Variants in PVT1 observed in about 807,000 individuals in gnomAD.
PVT1 encodes the protein Pvt1 oncogene.
At chr8:127,885,484 G>A (rs1472178883) in intron 2 of PVT1, among the ~76,000 whole-genome samples, 3 of 152,140 alleles carry the variant, frequency 2.0e-5, no homozygotes, top group Admixed American at 1.3e-4. Flanking sequence ...TCCTGGTTTA[G>A]CAATGATGCC....
chr8:127,982,909 C>T (rs1816901151), intron 3 of PVT1, among the ~76,000 whole-genome samples: 1 of 152,156 alleles, frequency 6.6e-6, no homozygotes, highest in South Asian at 2.1e-4. Context: ...AGATGTGTGT[C>T]CATGAGTACA....
rs986631494 is a variant in PVT1, at chr8:127,931,214, G to A, written n.782+40216G>A. On this transcript the variant is annotated intron_variant and non_coding_transcript_variant, in intron 3 of 10. Coordinates refer to ENST00000651587, the Ensembl canonical transcript of PVT1. ...AGCCACTGCACCTGGCCAAGAACTT[G>A]GTGTTTCTTATTTCCAAGCTTATCT... 4.7e-4 allele frequency among the ~76,000 whole-genome samples: 71 copies of A among 152,248 alleles called. 1 individual carries two copies. The highest frequency in any genetic ancestry group is 1.6e-3 in the African/African-American group (65 of 41,532).
intron 2 of PVT1, among the ~76,000 whole-genome samples, chr8:127,871,335 A>G (rs1815349523): frequency 6.6e-6 from 1 of 152,226 alleles, no homozygotes; most frequent in African/African-American, 2.4e-5. Context: ...CTCAGAATAA[A>G]TGTGTTTTTT....
chr8:128,071,570 A>G (rs908954026), intron 5 of PVT1, among the ~76,000 whole-genome samples: 4 of 151,742 alleles, frequency 2.6e-5, no homozygotes, highest in Admixed American at 6.6e-5. Context: ...CTGTGGTCCC[A>G]GCTAGTTAGG....
chr8:127,909,697 A>T lies in PVT1; in HGVS notation n.782+18699A>T, dbSNP rs530202313. On this transcript the variant is annotated intron_variant and non_coding_transcript_variant, in intron 3 of 10. Transcript: ENST00000651587. ...AGTGCTGTCTGGAGCAGGCATGGGGATGTGGTGGTACAGGGTAGGGTGTAG... is the reference window on the plus strand; with the variant it reads ...AGTGCTGTCTGGAGCAGGCATGGGGTTGTGGTGGTACAGGGTAGGGTGTAG... Among the ~76,000 whole-genome samples, 3 of 152,010 alleles carry T rather than the reference A, an allele frequency of 2.0e-5. No individual in the cohort carries two copies. The South Asian group carries it at 6.2e-4, about 32-fold the overall frequency.
intron 2 of PVT1, among the ~76,000 whole-genome samples, chr8:127,865,372 G>A (rs1026530458): frequency 1.3e-5 from 2 of 152,140 alleles, no homozygotes; most frequent in Non-Finnish European, 2.9e-5. Context: ...CTGGAACATG[G>A]GGATGTCATA....
intron 4 of PVT1, among the ~76,000 whole-genome samples, chr8:128,051,507 T>A (rs779460916): frequency 3.9e-5 from 6 of 152,210 alleles, no homozygotes; most frequent in Non-Finnish European, 7.3e-5. Context: ...GTTCTATGTA[T>A]TTTTTTCTTT....
At chr8:128,044,007 AT>A (rs1407949491) in intron 4 of PVT1, among the ~76,000 whole-genome samples, 7 of 21,898 alleles carry the variant, frequency 3.2e-4, no homozygotes, top group African/African-American at 2.4e-3. Context: ...TTTTATTATT[AT>A]TTATTTATTT....
At chr8:127,913,793 C>A (rs1815940412) in intron 3 of PVT1, among the ~76,000 whole-genome samples, 2 of 152,182 alleles carry the variant, frequency 1.3e-5, no homozygotes, top group African/African-American at 4.8e-5. Context: ...TTAATCTCTT[C>A]TAACCTTCCT....
intron 4 of PVT1, among the ~76,000 whole-genome samples, chr8:128,011,317 G>A (rs935476414): frequency 1.8e-4 from 27 of 152,158 alleles, no homozygotes; most frequent in African/African-American, 6.3e-4. Context: ...CGTATATGAT[G>A]AAACCTACCC....
chr8:127,861,518 A>G (rs995069878), intron 2 of PVT1, among the ~76,000 whole-genome samples: 1 of 151,882 alleles, frequency 6.6e-6, no homozygotes, highest in African/African-American at 2.4e-5. Flanking sequence ...GTCACCCTTA[A>G]CATCTTGTTG....
chr8:128,095,766 G>GTT (rs1227471051), intron 5 of PVT1, among the ~76,000 whole-genome samples: 1 of 152,210 alleles, frequency 6.6e-6, no homozygotes, highest in Non-Finnish European at 1.5e-5. Context: ...ATTTTCCCTT[G>GTT]TTTGTTAGCG....
In PVT1 at chr8:127,919,075, C is replaced by T. The variant is rs535034251; in HGVS notation, n.782+28077C>T. Among the ~76,000 whole-genome samples the T allele has an allele frequency of 3.7e-4, 57 of 152,284 alleles. 1 individual carries two copies. The highest frequency in any genetic ancestry group is 1.3e-3 in the African/African-American group (54 of 41,552). Reference sequence around the variant, plus strand: ...TGAAGGCAGTGCGCGTTGGGCCTTCCCTCCCTAGAGATGTGATTGCACGTC... The same window carrying T: ...TGAAGGCAGTGCGCGTTGGGCCTTCTCTCCCTAGAGATGTGATTGCACGTC... On this transcript the variant is annotated intron_variant and non_coding_transcript_variant, in intron 3 of 10. Coordinates refer to ENST00000651587, the Ensembl canonical transcript of PVT1.
At chr8:127,971,009 G>C (rs1170164510) in intron 3 of PVT1, among the ~76,000 whole-genome samples, 2 of 152,198 alleles carry the variant, frequency 1.3e-5, no homozygotes, top group African/African-American at 4.8e-5. Flanking sequence ...TGTGCTATCA[G>C]TGCTGCTTAG....
chr8:127,826,814 C>T (rs918640433), intron 2 of PVT1, among the ~76,000 whole-genome samples: 5 of 152,030 alleles, frequency 3.3e-5, no homozygotes, highest in Admixed American at 6.6e-5. Context: ...AATTAATAAG[C>T]AATGAGTTCT....
chr8:128,080,830 T>G (rs1466621559), intron 5 of PVT1, among the ~76,000 whole-genome samples: 1 of 152,154 alleles, frequency 6.6e-6, no homozygotes, highest in African/African-American at 2.4e-5. Flanking sequence ...CTTCTGAGAG[T>G]TTTATCGTTT....
chr8:127,960,590 G>A, intron 3 of PVT1: 1 of 458,482 alleles, frequency 2.2e-6, no homozygotes, highest in Non-Finnish European at 4.4e-6. Context: ...CCACGATAGG[G>A]AAATCAGCAA....
intron 2 of PVT1, among the ~76,000 whole-genome samples, chr8:127,813,602 C>T (rs1814625863): frequency 6.6e-6 from 1 of 152,196 alleles, no homozygotes; most frequent in Non-Finnish European, 1.5e-5. Flanking sequence ...TGAACCTCAG[C>T]CCTGCTGCCA....
At chr8:128,062,414 G>A (rs1032541713) in intron 4 of PVT1, among the ~76,000 whole-genome samples, 1 of 152,084 alleles carries the variant, frequency 6.6e-6, no homozygotes, top group Non-Finnish European at 1.5e-5. Flanking sequence ...GTTCAGAGGA[G>A]CAGGCAACAA....
Sources: gnomAD v4.1 joint callset for allele counts (sites outside exome capture counted in the v4.1 genomes callset) on GRCh38, gnomAD v4.1.1 for gene constraint, MANE v1.5 for transcripts, NCBI Gene and HGNC (gene_info 2026-07-23, HGNC 2026-07-21) for gene names.